Variants in ABLIM1 observed in about 807,000 individuals in gnomAD.
ABLIM1 encodes actin binding LIM protein 1, also known as actin-binding LIM protein 1.
Under a neutral mutation model 107.0 loss-of-function variants are expected in ABLIM1, and 40 were observed. The observed-to-expected ratio is 0.37, with a 90% CI of 0.29 to 0.49. ABLIM1 has a LOEUF of 0.49. Ranked by LOEUF, ABLIM1 falls within the 20% of genes least tolerant of loss-of-function variation. The probability of loss-of-function intolerance (pLI) is 0.97; values close to 1 mark genes in which losing one functional copy is unlikely to be tolerated. For synonymous variants in ABLIM1, 357 were observed against 357.3 expected (o/e 1.00, Z 0.01); for missense variants, 857 against 1,008.5 (o/e 0.85, Z 2.04).
chr10:114,763,968 C>T (rs2082817850), intron 1 of ABLIM1, among the ~76,000 whole-genome samples: 1 of 152,062 alleles, frequency 6.6e-6, no homozygotes, highest in South Asian at 2.1e-4. Flanking sequence ...ATCTAGTGGT[C>T]CTTAGAATCA....
intron 5 of ABLIM1, among the ~76,000 whole-genome samples, chr10:114,545,861 G>A (rs2067254934): frequency 6.6e-6 from 1 of 150,666 alleles, no homozygotes; most frequent in Non-Finnish European, 1.5e-5. Context: ...AACCCAGGAG[G>A]TGGAGGTTTC....
chr10:114,463,474 T>A (rs1256600885), intron 12 of ABLIM1, among the ~76,000 whole-genome samples: 1 of 151,948 alleles, frequency 6.6e-6, no homozygotes, highest in Non-Finnish European at 1.5e-5. Context: ...TCATTTAGAC[T>A]CAACAACAGC....
chr10:114,756,347 G>A (rs2082629874), intron 1 of ABLIM1, among the ~76,000 whole-genome samples: 1 of 151,888 alleles, frequency 6.6e-6, no homozygotes, highest in African/African-American at 2.4e-5. Context: ...ATCTGATAGG[G>A]CTAATCTCCC....
At chr10:114,471,924 G>T (rs961123252) in intron 10 of ABLIM1, among the ~76,000 whole-genome samples, 4 of 152,052 alleles carry the variant, frequency 2.6e-5, no homozygotes, top group Admixed American at 1.3e-4. Flanking sequence ...AAAAATGAGA[G>T]TGAGCCGATT....
intron 1 of ABLIM1, among the ~76,000 whole-genome samples, chr10:114,743,821 C>T (rs752185030): frequency 6.6e-6 from 1 of 152,032 alleles, no homozygotes; most frequent in Admixed American, 6.6e-5. Context: ...AGCCTTGCCA[C>T]ATGAACAAGG....
In ABLIM1 at chr10:114,766,204, T is replaced by C. The variant is rs536115508; in HGVS notation, c.-213+1857A>G. On this transcript the variant is annotated intron_variant, in intron 1 of 15. Coordinates refer to the ABLIM1 transcript ENST00000651092. ...TACTTGATTGAGTCATTGTGAGGAT[T>C]AAATAATGTAACACATGTAAAGTAC... Among the ~76,000 whole-genome samples, 5 of 152,294 alleles carry C rather than the reference T, an allele frequency of 3.3e-5. No individual in the cohort carries two copies. The East Asian group carries it at 5.8e-4, about 18-fold the overall frequency.
chr10:114,602,190 T>C (rs537990880), intron 1 of ABLIM1, among the ~76,000 whole-genome samples: 26 of 152,304 alleles, frequency 1.7e-4, no homozygotes, highest in Non-Finnish European at 1.3e-4. Flanking sequence ...CAATGGAGCC[T>C]GCTGTCTTCT....
chr10:114,663,077 G>A (rs2141272298), upstream of ABLIM1, among the ~76,000 whole-genome samples: 1 of 152,318 alleles, frequency 6.6e-6, no homozygotes, highest in Middle Eastern at 3.4e-3. Flanking sequence ...TTTGTCAGCG[G>A]CCAAACCTTC....
chr10:114,722,278 C>T (rs1176649313), intron 1 of ABLIM1, among the ~76,000 whole-genome samples: 3 of 152,046 alleles, frequency 2.0e-5, no homozygotes, highest in African/African-American at 2.4e-5. Flanking sequence ...GAAGCAGGTA[C>T]GTTTTCACAT....
intron 10 of ABLIM1, 113 bp from the exon 11 acceptor site, chr10:114,468,329 C>CA: frequency 1.0e-6 from 1 of 998,814 alleles, no homozygotes; most frequent in East Asian, 2.5e-5. Context: ...GGCTGGAGTG[C>CA]AGTGGCGCAA....
chr10:114,475,644 T>C (rs981886235), intron 8 of ABLIM1, among the ~76,000 whole-genome samples: 1 of 152,172 alleles, frequency 6.6e-6, no homozygotes, highest in Non-Finnish European at 1.5e-5. Flanking sequence ...AGCCTAACTA[T>C]ATAGAGAGTC....
chr10:114,718,050 A>AAAGAAAGG (rs2081730909), intron 1 of ABLIM1, among the ~76,000 whole-genome samples: 3 of 81,238 alleles, frequency 3.7e-5, no homozygotes, highest in African/African-American at 1.3e-4. Flanking sequence ...AAAGAGAAAG[A>AAAGAAAGG]AAGAAAGAAA....
At chr10:114,780,780 A>G in the ABLIM1 span, among the ~76,000 whole-genome samples, 1 of 152,066 alleles carries the variant, frequency 6.6e-6, no homozygotes, top group Non-Finnish European at 1.5e-5. Flanking sequence ...ATGTTTTTTG[A>G]CTGCATGGTA....
intron 2 of ABLIM1, among the ~76,000 whole-genome samples, chr10:114,583,259 C>T (rs1487049800): frequency 6.6e-6 from 1 of 151,010 alleles, no homozygotes. Flanking sequence ...AAATGCTCAA[C>T]ATCACTAATC....
At chr10:114,497,858 T>G (rs982845152) in intron 6 of ABLIM1, among the ~76,000 whole-genome samples, 3 of 152,192 alleles carry the variant, frequency 2.0e-5, no homozygotes, top group Admixed American at 6.5e-5. Flanking sequence ...GTGCAAAAAA[T>G]TGTTTGCCTT....
In ABLIM1 at chr10:114,453,489, A is replaced by G; in HGVS notation, c.1442-6T>C. 1 of 1,539,960 alleles carries G rather than the reference A, an allele frequency of 6.5e-7. No individual in the cohort carries two copies. The highest frequency in any genetic ancestry group is 1.2e-5 in the South Asian group (1 of 81,808). ...GCCGCTGGACGGCTCATTGCCTCCA[A>G]TGAGAAGAATGGAAAAAACAAAATG... On this transcript the variant is annotated splice_region_variant and splice_polypyrimidine_tract_variant and intron_variant, in intron 12 of 22. Coordinates refer to ENST00000533213, the MANE Select transcript of ABLIM1 (RefSeq NM_002313.7).
intron 17 of ABLIM1, among the ~76,000 whole-genome samples, chr10:114,443,117 G>A (rs1023091197): frequency 2.6e-5 from 4 of 152,080 alleles, no homozygotes; most frequent in Non-Finnish European, 5.9e-5. Context: ...CATTTTTAAA[G>A]GAACTCTTAG....
At chr10:114,668,629 T>A (rs929237563) in intron 1 of ABLIM1, among the ~76,000 whole-genome samples, 6 of 152,162 alleles carry the variant, frequency 3.9e-5, no homozygotes, top group Admixed American at 3.3e-4. Flanking sequence ...CACACTGCCA[T>A]GCCCAGCTTG....
upstream of ABLIM1, among the ~76,000 whole-genome samples, chr10:114,769,399 AAAG>A (rs1486851658): frequency 2.3e-5 from 3 of 133,210 alleles, no homozygotes; most frequent in Non-Finnish European, 3.1e-5. Flanking sequence ...GAAAGAAAGA[AAAG>A]AAAGAAAGAA....
Sources: allele counts gnomAD v4.1 joint callset (sites outside exome capture counted in the v4.1 genomes callset), GRCh38; gene constraint gnomAD v4.1.1; transcripts MANE v1.5; gene names NCBI Gene and HGNC (gene_info 2026-07-23, HGNC 2026-07-21).